CNTN5: variants seen among roughly 807,000 people sequenced by gnomAD.
The protein encoded by CNTN5 is contactin-5.
CNTN5 carries 77 observed loss-of-function variants against 129.1 expected under a neutral mutation model. The ratio of observed to expected loss-of-function variants is 0.60; its 90% CI spans 0.50 to 0.72. The LOEUF (loss-of-function observed/expected upper bound fraction) is 0.72, where lower values mean the gene tolerates loss of function less well. Among genes scored for constraint, CNTN5 ranks in the 30% least tolerant of loss-of-function variants. The pLI, the probability that CNTN5 is intolerant of heterozygous loss-of-function variation, is 0.00. For missense variants in CNTN5, 1,478 were observed against 1,328.8 expected (o/e 1.11, Z -1.75); for synonymous variants, 509 against 465.6 (o/e 1.09, Z -1.20).
chr11:100,236,666 A>G (rs149666931), intron 16 of CNTN5, among the ~76,000 whole-genome samples: 46 of 152,094 alleles, frequency 3.0e-4, no homozygotes, highest in Middle Eastern at 3.4e-3. Context: ...ACATGCTCCT[A>G]TAAGTTCCCC....
chr11:99,866,726 G>T lies in CNTN5; in HGVS notation c.577+21464G>T, dbSNP rs1948366450. 3.9e-5 allele frequency among the ~76,000 whole-genome samples: 6 copies of T among 152,172 alleles called. No homozygotes were observed. The South Asian group carries it at 1.2e-3, about 31-fold the overall frequency. On this transcript the variant is annotated intron_variant, in intron 6 of 24. Coordinates refer to ENST00000524871, the MANE Select transcript of CNTN5 (RefSeq NM_014361.4). Reference sequence around the variant, plus strand: ...TTACTTATTTGCTATTGTGACCATTGTGAGGAAGTGTTGCAGGGTGCTGGC... The same window carrying T: ...TTACTTATTTGCTATTGTGACCATTTTGAGGAAGTGTTGCAGGGTGCTGGC...
chr11:99,771,622 A>C (rs1944949614), intron 3 of CNTN5, among the ~76,000 whole-genome samples: 1 of 152,006 alleles, frequency 6.6e-6, no homozygotes, highest in South Asian at 2.1e-4. Flanking sequence ...AGAGAATAGA[A>C]TGGTGGTTAC....
chr11:99,325,688 T>G (rs1865756055), intron 2 of CNTN5, among the ~76,000 whole-genome samples: 1 of 152,198 alleles, frequency 6.6e-6, no homozygotes, highest in Admixed American at 6.6e-5. Context: ...TCTATAAATA[T>G]TCTGCAAATA....
chr11:99,107,036 C>A (rs1391982656), intron 1 of CNTN5, among the ~76,000 whole-genome samples: 1 of 152,042 alleles, frequency 6.6e-6, no homozygotes, highest in African/African-American at 2.4e-5. Flanking sequence ...TTTGAAGGTA[C>A]CTATCCAAAA....
chr11:99,150,984 G>C (rs1358097750), intron 1 of CNTN5, among the ~76,000 whole-genome samples: 1 of 137,544 alleles, frequency 7.3e-6, no homozygotes, highest in Admixed American at 7.0e-5. Context: ...GAGAGAAACA[G>C]AAATAAAAAA....
At chr11:100,302,717 C>T (rs1951252368) in intron 20 of CNTN5, among the ~76,000 whole-genome samples, 1 of 151,564 alleles carries the variant, frequency 6.6e-6, no homozygotes, top group Non-Finnish European at 1.5e-5. Context: ...TACTACTTCT[C>T]AACCTATTTC....
In CNTN5 at chr11:99,413,187, C is replaced by T. The variant is rs543710472; in HGVS notation, c.-71+87703C>T. Reference sequence around the variant, plus strand: ...AAAAATACTTAGAGTCAAGTATTAACGGGGAAGGTATAATGTTAAAGAGAG... The same window carrying T: ...AAAAATACTTAGAGTCAAGTATTAATGGGGAAGGTATAATGTTAAAGAGAG... On this transcript the variant is annotated intron_variant, in intron 2 of 24. Transcript: ENST00000524871. Among the ~76,000 whole-genome samples the T allele has an allele frequency of 7.9e-5, 12 of 152,070 alleles. No homozygotes were observed. In the East Asian group the frequency reaches 1.4e-3, roughly 17 times the overall value.
chr11:99,934,607 G>C (rs1950265088), intron 7 of CNTN5, among the ~76,000 whole-genome samples: 1 of 151,978 alleles, frequency 6.6e-6, no homozygotes, highest in South Asian at 2.1e-4. Context: ...ATCAAAATAT[G>C]GGCGGGGCAT....
At chr11:99,165,760 G>GGATT (rs1860837415) in intron 1 of CNTN5, among the ~76,000 whole-genome samples, 2 of 152,084 alleles carry the variant, frequency 1.3e-5, no homozygotes, top group Admixed American at 1.3e-4. Context: ...CAAAATAAGA[G>GGATT]ATCGCATCTA....
At chr11:99,450,855 T>C (rs1400686213) in intron 2 of CNTN5, among the ~76,000 whole-genome samples, 1 of 145,422 alleles carries the variant, frequency 6.9e-6, no homozygotes, top group African/African-American at 2.5e-5. Context: ...TCCACATAAA[T>C]ATTAGCAACT....
chr11:99,267,922 A>T (rs4754598), intron 1 of CNTN5, among the ~76,000 whole-genome samples: 1 of 64,748 alleles, frequency 1.5e-5, no homozygotes, highest in African/African-American at 8.4e-5. Flanking sequence ...ACACACACGC[A>T]CACACACACA....
chr11:99,544,043 T>C (rs1591253492), intron 2 of CNTN5, among the ~76,000 whole-genome samples: 1 of 152,090 alleles, frequency 6.6e-6, no homozygotes, highest in African/African-American at 2.4e-5. Context: ...ATACCTGAAG[T>C]TGCATAATTC....
rs552000890 is a variant in CNTN5, at chr11:99,549,382, A to G, written c.-70-6763A>G. On this transcript the variant is annotated intron_variant, in intron 2 of 24. Coordinates refer to ENST00000524871, the MANE Select transcript of CNTN5 (RefSeq NM_014361.4). ...GGATCTTAGACATATGGATTCTCCT[A>G]TTTGATTACCCAGCTGTGTGGGCCC... Among the ~76,000 whole-genome samples the G allele has an allele frequency of 3.9e-5, 6 of 152,202 alleles. 1 individual carries two copies. The South Asian group carries it at 1.2e-3, about 32-fold the overall frequency.
At chr11:100,009,459 A>T (rs1206170873) in intron 9 of CNTN5, among the ~76,000 whole-genome samples, 1 of 152,144 alleles carries the variant, frequency 6.6e-6, no homozygotes, top group Non-Finnish European at 1.5e-5. Flanking sequence ...TGTAAAAAAA[A>T]AAATGGAGGG....
intron 13 of CNTN5, among the ~76,000 whole-genome samples, chr11:100,133,463 G>A (rs923433741): frequency 3.3e-5 from 5 of 152,072 alleles, no homozygotes; most frequent in African/African-American, 4.8e-5. Context: ...TGAAAATGGC[G>A]TAGTAAAAAG....
intron 15 of CNTN5, among the ~76,000 whole-genome samples, chr11:100,201,409 GA>G (rs1260773954): frequency 2.0e-5 from 3 of 151,316 alleles, no homozygotes; most frequent in Non-Finnish European, 4.4e-5. Context: ...CCAAATAAAT[GA>G]ATATTATCAA....
intron 3 of CNTN5, among the ~76,000 whole-genome samples, chr11:99,610,105 T>G (rs1360478640): frequency 2.6e-5 from 4 of 152,170 alleles, no homozygotes; most frequent in African/African-American, 9.6e-5. Context: ...TTTGTCAGTC[T>G]AGTTCAAAAG....
chr11:99,274,308 AT>A (rs1329104975), intron 1 of CNTN5, among the ~76,000 whole-genome samples: 1 of 151,712 alleles, frequency 6.6e-6, no homozygotes, highest in Non-Finnish European at 1.5e-5. Flanking sequence ...AACAGGCTAA[AT>A]TTTTTTGACT....
At chr11:99,172,377 A>G (rs1374404954) in intron 1 of CNTN5, among the ~76,000 whole-genome samples, 3 of 152,224 alleles carry the variant, frequency 2.0e-5, no homozygotes, top group African/African-American at 7.2e-5. Context: ...CATTTTGTTT[A>G]ATAAGTTCGT....
Sources: gnomAD v4.1 joint callset for allele counts (sites outside exome capture counted in the v4.1 genomes callset) on GRCh38, gnomAD v4.1.1 for gene constraint, MANE v1.5 for transcripts, NCBI Gene and HGNC (gene_info 2026-07-23, HGNC 2026-07-21) for gene names.